Variants in FARS2 observed in about 807,000 individuals in gnomAD.
FARS2 encodes phenylalanyl-tRNA synthetase 2, mitochondrial, also known as phenylalanine--tRNA ligase, mitochondrial.
FARS2 carries 40 observed loss-of-function variants against 46.4 expected under a neutral mutation model. The ratio of observed to expected loss-of-function variants is 0.86; its 90% CI spans 0.67 to 1.12. The LOEUF (loss-of-function observed/expected upper bound fraction) is 1.12. Ranked by LOEUF, FARS2 falls within the 50% of genes most tolerant of loss-of-function variation. The pLI, the probability that FARS2 is intolerant of heterozygous loss-of-function variation, is 0.00. For missense variants in FARS2, 513 were observed against 567.9 expected (o/e 0.90, Z 0.98); for synonymous variants, 234 against 214.9 (o/e 1.09, Z -0.78).
At position 5,318,220 on chromosome 6, in the gene FARS2, G is replaced by A. The variant is rs140273645; in HGVS notation, c.-21-50330G>A. Among the ~76,000 whole-genome samples, 837 of 152,124 alleles carry A rather than the reference G, an allele frequency of 5.5e-3. 10 individuals carry two copies. The highest frequency in any genetic ancestry group is 0.019 in the African/African-American group (799 of 41,506). On this transcript the variant is annotated intron_variant, in intron 1 of 6. Coordinates refer to ENST00000274680, the MANE Select transcript of FARS2 (RefSeq NM_006567.5). ...CTAAAAATACAAAAATTAGCCTGGT[G>A]TGGTGGCCGGCACCTGTAGTTCCAG...
At chr6:5,602,597 A>AGATCAT (rs1774586631) in intron 5 of FARS2, among the ~76,000 whole-genome samples, 1 of 143,146 alleles carries the variant, frequency 7.0e-6, no homozygotes, top group Non-Finnish European at 1.5e-5. Context: ...CAGTGAGCCG[A>AGATCAT]GATCATGCCA....
chr6:5,468,099 G>A (rs1185227311), intron 4 of FARS2, among the ~76,000 whole-genome samples: 2 of 152,216 alleles, frequency 1.3e-5, no homozygotes, highest in Non-Finnish European at 2.9e-5. Context: ...AGAAAGTGGT[G>A]ATATTCTCAA....
At chr6:5,481,603 A>AT (rs1228196031) in intron 4 of FARS2, among the ~76,000 whole-genome samples, 1 of 152,112 alleles carries the variant, frequency 6.6e-6, no homozygotes, top group African/African-American at 2.4e-5. Context: ...ATTTGATGCC[A>AT]TTTTCTATCC....
intron 1 of FARS2, among the ~76,000 whole-genome samples, chr6:5,340,272 C>G (rs572496402): frequency 6.6e-6 from 1 of 152,128 alleles, no homozygotes; most frequent in Admixed American, 6.6e-5. Context: ...CCCCACATGT[C>G]CAGGAAGCAG....
chr6:5,445,573 G>T (rs1764136835), intron 4 of FARS2, among the ~76,000 whole-genome samples: 1 of 152,162 alleles, frequency 6.6e-6, no homozygotes, highest in African/African-American at 2.4e-5. Context: ...TATAATTCAA[G>T]AATTGGATAT....
rs372365801 is a variant in FARS2 at position 5,320,887 on chromosome 6, C to T, written c.-21-47663C>T. Reference sequence around the variant, plus strand: ...ATGGCACTTTCTACCTGTGCCCTCACGTGGTGGTTGTGGGGGCCAAGGTAA... The same window carrying T: ...ATGGCACTTTCTACCTGTGCCCTCATGTGGTGGTTGTGGGGGCCAAGGTAA... On this transcript the variant is annotated intron_variant, in intron 1 of 6. Transcript: ENST00000274680. Among the ~76,000 whole-genome samples, 20 of 152,262 alleles carry T rather than the reference C, an allele frequency of 1.3e-4. No homozygotes were observed. The East Asian group carries it at 1.7e-3, about 13-fold the overall frequency.
intron 4 of FARS2, among the ~76,000 whole-genome samples, chr6:5,444,573 A>T (rs1434135175): frequency 6.6e-6 from 1 of 151,160 alleles, no homozygotes; most frequent in Admixed American, 6.6e-5. Flanking sequence ...AGACTCTGGA[A>T]TCAGTGGAAT....
chr6:5,337,003 T>C (rs1409516622), intron 1 of FARS2, among the ~76,000 whole-genome samples: 1 of 152,008 alleles, frequency 6.6e-6, no homozygotes, highest in Non-Finnish European at 1.5e-5. Context: ...TGTTTTTCTT[T>C]TTAAACAGGT....
intron 5 of FARS2, among the ~76,000 whole-genome samples, chr6:5,551,547 C>G (rs1771375167): frequency 6.6e-6 from 1 of 152,190 alleles, no homozygotes; most frequent in Admixed American, 6.5e-5. Context: ...TTGTTACAAG[C>G]AATACCTCAC....
At chr6:5,514,087 G>A (rs1442458167) in intron 4 of FARS2, among the ~76,000 whole-genome samples, 1 of 109,546 alleles carries the variant, frequency 9.1e-6, no homozygotes, top group African/African-American at 3.9e-5. Context: ...TAAAAATCTG[G>A]ACATATATAT....
chr6:5,581,942 C>T (rs113084167), intron 5 of FARS2, among the ~76,000 whole-genome samples: 77 of 135,826 alleles, frequency 5.7e-4, no homozygotes, highest in African/African-American at 1.2e-3. Context: ...AACATACTTC[C>T]GGTTAATTCC....
chr6:5,341,900 A>G (rs1477856548), intron 1 of FARS2, among the ~76,000 whole-genome samples: 1 of 152,226 alleles, frequency 6.6e-6, no homozygotes, highest in Admixed American at 6.5e-5. Context: ...AATAATTTCC[A>G]GTTCTTACCT....
At chr6:5,443,934 CT>C (rs1025563676) in intron 4 of FARS2, among the ~76,000 whole-genome samples, 1 of 152,156 alleles carries the variant, frequency 6.6e-6, no homozygotes, top group African/African-American at 2.4e-5. Context: ...AAGAACTTGA[CT>C]TTTTTACTTC....
At chr6:5,305,760 A>C (rs1267037858) in intron 1 of FARS2, among the ~76,000 whole-genome samples, 1 of 152,120 alleles carries the variant, frequency 6.6e-6, no homozygotes, top group African/African-American at 2.4e-5. Flanking sequence ...CTCCCACTAT[A>C]GCCCCTACAA....
At chr6:5,315,832 C>T (rs553367664) in intron 1 of FARS2, among the ~76,000 whole-genome samples, 3 of 151,886 alleles carry the variant, frequency 2.0e-5, no homozygotes, top group African/African-American at 4.8e-5. Context: ...CTTATAAATG[C>T]ATGTTCAGAG....
At chr6:5,392,352 T>C (rs1760572269) in intron 2 of FARS2, among the ~76,000 whole-genome samples, 1 of 152,172 alleles carries the variant, frequency 6.6e-6, no homozygotes, top group Non-Finnish European at 1.5e-5. Context: ...TTTTCCTTAT[T>C]TCAGGGTTTT....
intron 5 of FARS2, among the ~76,000 whole-genome samples, chr6:5,606,709 A>G (rs1362093619): frequency 2.0e-5 from 3 of 152,118 alleles, no homozygotes; most frequent in Non-Finnish European, 4.4e-5. Context: ...TTCTCTTAGC[A>G]TTGGCTCTTC....
chr6:5,344,740 C>T (rs570677545), intron 1 of FARS2, among the ~76,000 whole-genome samples: 22 of 151,704 alleles, frequency 1.5e-4, no homozygotes, highest in Non-Finnish European at 8.8e-5. Context: ...TTGCCAGTCC[C>T]GCTTCTTCAC....
chr6:5,263,223 ATAAT>A (rs1479730187), intron 1 of FARS2, among the ~76,000 whole-genome samples: 2 of 152,256 alleles, frequency 1.3e-5, no homozygotes, highest in Admixed American at 1.3e-4. Flanking sequence ...ATTAACGTAC[ATAAT>A]TAATGTATCT....
Sources: gnomAD v4.1 joint callset for allele counts (sites outside exome capture counted in the v4.1 genomes callset) on GRCh38, gnomAD v4.1.1 for gene constraint, MANE v1.5 for transcripts, NCBI Gene and HGNC (gene_info 2026-07-23, HGNC 2026-07-21) for gene names.